UTP20: variants seen among roughly 807,000 people sequenced by gnomAD.
The protein encoded by UTP20 is UTP20 small subunit processome component.
UTP20 carries 164 observed loss-of-function variants against 329.5 expected under a neutral mutation model. The observed-to-expected ratio is 0.50, with a 90% CI of 0.44 to 0.57. UTP20 has a LOEUF of 0.57. Ranked by LOEUF, UTP20 falls within the 20% of genes least tolerant of loss-of-function variation. UTP20 has a pLI of 0.00. For missense variants in UTP20, 3,055 were observed against 3,284.2 expected (o/e 0.93, Z 1.71); for synonymous variants, 1,151 against 1,159.3 (o/e 0.99, Z 0.14).
At chr12:101,299,535 T>A in intron 12 of UTP20, 147 bp from the exon 13 acceptor site, 1 of 600,642 alleles carries the variant, frequency 1.7e-6, no homozygotes, top group Non-Finnish European at 2.6e-6. Context: ...ACTCAGTAAA[T>A]GACTCACATT....
chr12:101,327,756 T>C (rs1868616250), intron 26 of UTP20, among the ~76,000 whole-genome samples: 1 of 152,202 alleles, frequency 6.6e-6, no homozygotes, highest in Non-Finnish European at 1.5e-5. Flanking sequence ...CGTGTATACA[T>C]TGAGCTAGAG....
At chr12:101,281,474 A>G (rs1049880836) in intron 2 of UTP20, among the ~76,000 whole-genome samples, 5 of 152,178 alleles carry the variant, frequency 3.3e-5, no homozygotes, top group African/African-American at 1.2e-4. Flanking sequence ...TCTATTAGAC[A>G]ATTGACTTGA....
intron 40 of UTP20, among the ~76,000 whole-genome samples, chr12:101,353,631 C>G (rs1869615035): frequency 6.6e-6 from 1 of 152,086 alleles, no homozygotes; most frequent in Non-Finnish European, 1.5e-5. Flanking sequence ...AGCCTAGGAG[C>G]TGGCTGCAGT....
At chr12:101,385,088 C>A (rs548189735) in intron 60 of UTP20, among the ~76,000 whole-genome samples, 2 of 139,586 alleles carry the variant, frequency 1.4e-5, no homozygotes, top group South Asian at 4.8e-4. Flanking sequence ...GCTTTTGACA[C>A]TCCCCCGCCA....
Position 101,375,717 on chromosome 12 carries a change from C to T in UTP20, c.7357C>T (p.Gln2453Ter). 1 of 1,599,302 alleles carries T rather than the reference C, an allele frequency of 6.3e-7. No homozygotes were observed. The highest frequency in any genetic ancestry group is 8.6e-7 in the Non-Finnish European group (1 of 1,169,080). The change falls in exon 56 of 62, where the codon CAG becomes TAG. Residue 2453 changes from glutamine (Q) to a stop codon, truncating the protein, a stop_gained. Coordinates refer to ENST00000261637, the MANE Select transcript of UTP20 (RefSeq NM_014503.3). LOFTEE classifies it high-confidence loss of function. ...ACTTATCAAGGAATGTAATATTATTCAGTTTACCAAACCCGCTGAGACTTT... is the reference window on the plus strand; with the variant it reads ...ACTTATCAAGGAATGTAATATTATTTAGTTTACCAAACCCGCTGAGACTTT... Reference protein sequence around the residue: ...TKLIKECNIIQFTKPAETLSK... With the variant: ...TKLIKECNII
Position 101,379,432 on chromosome 12 carries a change from T to A in UTP20, c.7458T>A (p.Ile2486=), listed in dbSNP as rs905604585. Reference sequence around the variant, plus strand: ...GGGTGTGGCTCACAGCAGCCCAGATTTTTGGATTACTCTTTGCCTCTTGCC... The same window carrying A: ...GGGTGTGGCTCACAGCAGCCCAGATATTTGGATTACTCTTTGCCTCTTGCC... ...HNWVWLTAAQ[I]FGLLFASCQP... is the part of the protein sequence containing the mutation. Residue 2486 remains isoleucine (I), a synonymous_variant, in exon 57 of 62, where the codon ATT becomes ATA. Coordinates refer to ENST00000261637, the MANE Select transcript of UTP20 (RefSeq NM_014503.3). 7.4e-6 allele frequency: 12 copies of A among 1,613,970 alleles called. No individual in the cohort carries two copies. In the African/African-American group the frequency reaches 1.6e-4, roughly 22 times the overall value.
intron 19 of UTP20, 46 bp downstream of exon 19, chr12:101,309,885 G>A (rs765631316): frequency 1.0e-5 from 16 of 1,534,778 alleles, no homozygotes; most frequent in Non-Finnish European, 1.8e-6. Context: ...TTTAACTACT[G>A]CAGAATGATG....
chr12:101,363,673 A>T lies in UTP20; in HGVS notation c.5888A>T (p.Asp1963Val). ...VMEARRSKSY[D>V]SYEILGKFVG... ...GAAGCACGAAGAAGCAAAAGTTACG[A>T]CTCTTATGAAATCCTCGGCAAGTTT... The change falls in exon 45 of 62, where the codon GAC becomes GTC. Residue 1963 changes from aspartate to valine, a missense_variant. Physicochemically the swap from Asp to Val is radical, Grantham distance 152 (BLOSUM62 -3). Around this residue, in one of 3 missense-constraint regions of UTP20, gnomAD observed 2,445 missense variants for 2,575.5 expected, o/e 0.95. Transcript: ENST00000261637. The T allele has an allele frequency of 6.2e-7, 1 of 1,613,370 alleles. No individual in the cohort carries two copies. The highest frequency in any genetic ancestry group is 8.5e-7 in the Non-Finnish European group (1 of 1,179,390).
intron 37 of UTP20, 127 bp from the exon 38 acceptor site, chr12:101,346,324 A>G: frequency 2.6e-6 from 3 of 1,134,402 alleles, no homozygotes; most frequent in Non-Finnish European, 3.6e-6. Flanking sequence ...TGCTAGGATT[A>G]CAGGCATGAG....
chr12:101,329,823 G>C (rs879365264), intron 27 of UTP20, among the ~76,000 whole-genome samples: 3 of 151,896 alleles, frequency 2.0e-5, no homozygotes, highest in Non-Finnish European at 2.9e-5. Flanking sequence ...GGACAACATA[G>C]CAAGACCCCA....
intron 21 of UTP20, among the ~76,000 whole-genome samples, chr12:101,313,297 C>A (rs1872853139): frequency 6.6e-6 from 1 of 152,118 alleles, no homozygotes; most frequent in African/African-American, 2.4e-5. Context: ...ACAGCAAGAT[C>A]TGAGTGGTTC....
chr12:101,361,392 G>A lies in UTP20; in HGVS notation c.5692-570G>A, dbSNP rs563126889. ...TAATCGCAGCACTTAGGGAGGCTGA[G>A]GCAGGCAAATCACCTGTGGTCAGGA... On this transcript the variant is annotated intron_variant, in intron 43 of 61. Transcript: ENST00000261637. Among the ~76,000 whole-genome samples the A allele has an allele frequency of 2.0e-5, 3 of 152,172 alleles. No homozygotes were observed. In the East Asian group the frequency reaches 5.8e-4, roughly 29 times the overall value.
chr12:101,319,860 C>T (rs947350144), intron 23 of UTP20, among the ~76,000 whole-genome samples: 2 of 151,790 alleles, frequency 1.3e-5, no homozygotes, highest in African/African-American at 4.8e-5. Context: ...GGTGACTAAA[C>T]ATTGATTGGC....
At chr12:101,307,076 G>A (rs1174051728) in intron 17 of UTP20, among the ~76,000 whole-genome samples, 2 of 151,606 alleles carry the variant, frequency 1.3e-5, no homozygotes, top group African/African-American at 2.4e-5. Flanking sequence ...TACTCGGGAG[G>A]CTGAGGCAGG....
Position 101,386,130 on chromosome 12 carries a change from C to G in UTP20, c.*7C>G, listed in dbSNP as rs1870823138. On this transcript the variant is annotated 3_prime_UTR_variant, in exon 62 of 62. Transcript: ENST00000261637. ...TTTAGCAATGGTGGAGTAATGTCTC[C>G]CTGTGCTGATACAAGCATGAACTTT... 6.3e-7 allele frequency: 1 copy of G among 1,599,186 alleles called. No homozygotes were observed. The highest frequency in any genetic ancestry group is 2.2e-5 in the East Asian group (1 of 44,696).
At chr12:101,323,375 A>G (rs1008765235) in intron 25 of UTP20, among the ~76,000 whole-genome samples, 1 of 152,202 alleles carries the variant, frequency 6.6e-6, no homozygotes, top group Non-Finnish European at 1.5e-5. Flanking sequence ...TTTGGTGTAT[A>G]TTACCAAATT....
chr12:101,304,787 A>G (rs1004363328), intron 15 of UTP20, among the ~76,000 whole-genome samples: 1 of 152,156 alleles, frequency 6.6e-6, no homozygotes, highest in African/African-American at 2.4e-5. Flanking sequence ...CTTGCTCGAG[A>G]GGTATCCCAT....
chr12:101,354,707 C>A, intron 40 of UTP20, 125 bp from the exon 41 acceptor site: 1 of 1,010,744 alleles, frequency 9.9e-7, no homozygotes, highest in South Asian at 1.6e-5. Flanking sequence ...CTTACCTTGC[C>A]TGCCCACAGT....
At chr12:101,344,391 C>T (rs1345126735) in intron 35 of UTP20, among the ~76,000 whole-genome samples, 1 of 152,248 alleles carries the variant, frequency 6.6e-6, no homozygotes, top group Non-Finnish European at 1.5e-5. Flanking sequence ...TCTTGGGAAG[C>T]GTGGTTTTTC....
Sources: gnomAD v4.1 joint callset for allele counts (sites outside exome capture counted in the v4.1 genomes callset) on GRCh38, gnomAD v4.1.1 for gene constraint, gnomAD v4.1.1 regional missense constraint, MANE v1.5 for transcripts, NCBI Gene and HGNC (gene_info 2026-07-23, HGNC 2026-07-21) for gene names.